Variants in C19orf18 observed in about 807,000 individuals in gnomAD.
The protein encoded by C19orf18 is uncharacterized protein C19orf18.
Under a neutral mutation model 23.3 loss-of-function variants are expected in C19orf18, and 21 were observed. The ratio of observed to expected loss-of-function variants is 0.90; its 90% CI spans 0.64 to 1.30. C19orf18 has a LOEUF of 1.30. Among genes scored for constraint, C19orf18 ranks in the 50% most tolerant of loss-of-function variants. The pLI, the probability that C19orf18 is intolerant of heterozygous loss-of-function variation, is 0.00. For missense variants in C19orf18, 249 were observed against 259.6 expected, an observed-to-expected ratio of 0.96 and a Z score of 0.28; for synonymous variants, 96 against 95.2, an observed-to-expected ratio of 1.01 and a Z score of -0.05.
intron 2 of C19orf18, among the ~76,000 whole-genome samples, chr19:57,973,832 TA>T (rs1463095572): frequency 6.6e-6 from 1 of 152,142 alleles, no homozygotes; most frequent in African/African-American, 2.4e-5. Flanking sequence ...CAGACAGGCA[TA>T]CCTGTGTAAT....
Position 57,974,214 on chromosome 19 carries a change from A to G in C19orf18, c.122-11T>C. The stretch of plus-strand genomic sequence containing the variant: ...GTGACCGTTTACTGCCTTGAAAAGA[A>G]AACTTTTTGCGGTGAAATGTAATTA... On this transcript the variant is annotated splice_polypyrimidine_tract_variant and intron_variant, in intron 1 of 5. Coordinates refer to ENST00000314391, the MANE Select transcript of C19orf18 (RefSeq NM_152474.5). 2 of 1,613,798 alleles carry G rather than the reference A, an allele frequency of 1.2e-6. No homozygotes were observed. The highest frequency in any genetic ancestry group is 1.7e-6 in the Non-Finnish European group (2 of 1,179,922).
In C19orf18 at chr19:57,974,516, G is replaced by A. The variant is rs960409203; in HGVS notation, c.-84C>T. The A allele has an allele frequency of 5.8e-6, 9 of 1,541,132 alleles. No homozygotes were observed. In the African/African-American group the frequency reaches 1.1e-4, roughly 19 times the overall value. ...CAGCATCTGTCCTCTATTTATCTGA[G>A]GAATCAAGAAGTTCTACTCCCTTCA... On this transcript the variant is annotated 5_prime_UTR_variant, in exon 1 of 6. Coordinates refer to ENST00000314391, the MANE Select transcript of C19orf18 (RefSeq NM_152474.5).
intron 4 of C19orf18, among the ~76,000 whole-genome samples, chr19:57,963,663 G>A (rs1301655724): frequency 2.6e-5 from 4 of 152,030 alleles, no homozygotes; most frequent in African/African-American, 7.2e-5. Context: ...CGAGGCGGGC[G>A]GATCACGAGG....
Position 57,961,462 on chromosome 19 carries a change from G to C in C19orf18, c.461C>G (p.Ser154Ter). 1 of 1,614,142 alleles carries C rather than the reference G, an allele frequency of 6.2e-7. No homozygotes were observed. The highest frequency in any genetic ancestry group is 8.5e-7 in the Non-Finnish European group (1 of 1,180,034). ...GTGCGTGGACTCACCCTCGTCCTCTGAGCCCTCTTCTTCATCTCCTAATAA... is the reference window on the plus strand; with the variant it reads ...GTGCGTGGACTCACCCTCGTCCTCTCAGCCCTCTTCTTCATCTCCTAATAA... ...IPLLGDEEEGSEDEGESTHLL... is the reference protein window; with the variant it reads ...IPLLGDEEEG Residue 154 changes from serine to a stop codon, truncating the protein, a stop_gained, in exon 5 of 6, where the codon TCA becomes TGA. Transcript: ENST00000314391. LOFTEE classifies it high-confidence loss of function.
intron 5 of C19orf18, among the ~76,000 whole-genome samples, chr19:57,960,002 G>C (rs931069961): frequency 6.7e-6 from 1 of 150,146 alleles, no homozygotes; most frequent in African/African-American, 2.5e-5. Flanking sequence ...CCAGCTACTC[G>C]GGAGGCTGAG....
At chr19:57,970,328 T>TTGCCGTCTATAACCAATCAA (rs2072936293) in intron 3 of C19orf18, among the ~76,000 whole-genome samples, 1 of 152,192 alleles carries the variant, frequency 6.6e-6, no homozygotes, top group Non-Finnish European at 1.5e-5. Context: ...AGCTGTAACT[T>TTGCCGTCTATAACCAATCAA]ATGCACTCGT....
At chr19:57,963,577 CACA>C (rs1568566566) in intron 4 of C19orf18, among the ~76,000 whole-genome samples, 1 of 151,958 alleles carries the variant, frequency 6.6e-6, no homozygotes. Context: ...TATGAAAAGT[CACA>C]ACATTAAGTT....
intron 4 of C19orf18, among the ~76,000 whole-genome samples, chr19:57,964,286 T>C (rs1416020472): frequency 2.0e-5 from 3 of 152,196 alleles, no homozygotes; most frequent in African/African-American, 7.2e-5. Flanking sequence ...TACAGTTACA[T>C]AATTTTTGTT....
At chr19:57,969,827 G>A (rs571841671) in intron 3 of C19orf18, among the ~76,000 whole-genome samples, 7 of 144,594 alleles carry the variant, frequency 4.8e-5, no homozygotes, top group Non-Finnish European at 1.0e-4. Context: ...AGCTGAGATC[G>A]CATCATTACA....
At position 57,965,308 on chromosome 19, in the gene C19orf18, T is replaced by A. The variant is rs572434076; in HGVS notation, c.371+1222A>T. On this transcript the variant is annotated intron_variant, in intron 4 of 5. Coordinates refer to ENST00000314391, the MANE Select transcript of C19orf18 (RefSeq NM_152474.5). ...CACCACTACGCCCAGCTAATTTTTG[T>A]ATTTTTAGCAGAGACGGGGTTTCAC... Among the ~76,000 whole-genome samples, 383 of 152,160 alleles carry A rather than the reference T, an allele frequency of 2.5e-3. 7 individuals carry two copies. Among genetic ancestry groups the A allele is most frequent in the East Asian group, 1.2e-3 (6 of 5,126 alleles).
chr19:57,965,681 G>A (rs1231805653), intron 4 of C19orf18, among the ~76,000 whole-genome samples: 3 of 152,138 alleles, frequency 2.0e-5, no homozygotes, highest in African/African-American at 7.2e-5. Context: ...CCAGGAGGCA[G>A]AGGTTGCAGT....
At chr19:57,965,977 CTTT>C (rs941508434) in intron 4 of C19orf18, among the ~76,000 whole-genome samples, 2 of 148,884 alleles carry the variant, frequency 1.3e-5, no homozygotes, top group African/African-American at 4.9e-5. Flanking sequence ...ATTTTCTTTT[CTTT>C]TTCTTTTTTT....
intron 3 of C19orf18, among the ~76,000 whole-genome samples, chr19:57,969,115 G>A (rs546223277): frequency 7.3e-4 from 111 of 152,216 alleles, no homozygotes; most frequent in African/African-American, 2.5e-3. Flanking sequence ...GGTTACTGGT[G>A]TACCCGTGTG....
chr19:57,972,167 C>G (rs974629738), intron 3 of C19orf18, among the ~76,000 whole-genome samples: 1 of 152,228 alleles, frequency 6.6e-6, no homozygotes, highest in African/African-American at 2.4e-5. Context: ...GCTAGAAAGG[C>G]TGCTGACAGG....
At chr19:57,970,491 C>G (rs1281375506) in intron 3 of C19orf18, among the ~76,000 whole-genome samples, 1 of 152,124 alleles carries the variant, frequency 6.6e-6, no homozygotes, top group Non-Finnish European at 1.5e-5. Context: ...CAAATAAACT[C>G]TGTACTTAAT....
At chr19:57,959,258 A>G (rs2072848924) in intron 5 of C19orf18, among the ~76,000 whole-genome samples, 1 of 152,030 alleles carries the variant, frequency 6.6e-6, no homozygotes, top group South Asian at 2.1e-4. Context: ...GGAGGCCAAG[A>G]CGGGAAGATC....
chr19:57,970,819 C>A (rs539929370), intron 3 of C19orf18, among the ~76,000 whole-genome samples: 2 of 152,186 alleles, frequency 1.3e-5, no homozygotes, highest in Admixed American at 1.3e-4. Context: ...CTCAGCCCCC[C>A]AAAGTGTTGG....
intron 3 of C19orf18, among the ~76,000 whole-genome samples, chr19:57,970,742 T>A (rs528417798): frequency 6.6e-6 from 1 of 152,194 alleles, no homozygotes; most frequent in South Asian, 2.1e-4. Flanking sequence ...GTATTTTTAG[T>A]AGAGATGGGG....
chr19:57,960,770 G>A (rs2072863605), intron 5 of C19orf18, among the ~76,000 whole-genome samples: 1 of 152,214 alleles, frequency 6.6e-6, no homozygotes, highest in African/African-American at 2.4e-5. Context: ...CAACCCCACA[G>A]CTGTTCACCC....
Sources: allele counts gnomAD v4.1 joint callset (sites outside exome capture counted in the v4.1 genomes callset), GRCh38; gene constraint gnomAD v4.1.1; transcripts MANE v1.5; gene names NCBI Gene and HGNC (gene_info 2026-07-23, HGNC 2026-07-21).